EFL1: variants seen among roughly 807,000 people sequenced by gnomAD.
EFL1 encodes the protein elongation factor-like GTPase 1.
In EFL1, 76 loss-of-function variants were observed where a neutral mutation model predicts 126.7. That is an observed-to-expected ratio of 0.60 (90% CI 0.50 to 0.73). The LOEUF (loss-of-function observed/expected upper bound fraction) is 0.73, where lower values mean the gene tolerates loss of function less well. Ranked by LOEUF, EFL1 falls within the 30% of genes least tolerant of loss-of-function variation. The pLI, the probability that EFL1 is intolerant of heterozygous loss-of-function variation, is 0.00. For synonymous variants in EFL1, 410 were observed against 448.4 expected (o/e 0.91, Z 1.08); for missense variants, 1,128 against 1,343.2 (o/e 0.84, Z 2.50).
chr15:82,262,642 C>G lies in EFL1; in HGVS notation c.-48G>C. The G allele has an allele frequency of 4.2e-6, 2 of 477,762 alleles. No individual in the cohort carries two copies. The highest frequency in any genetic ancestry group is 8.9e-5 in the East Asian group (2 of 22,424). 29.6% of individuals were successfully genotyped at this position (477,762 alleles called of 1,614,324 possible). The stretch of plus-strand genomic sequence containing the variant: ...CTGCAGCAGCCCCACCAGCCCCGCT[C>G]CTTCTCTCGGGTCGCACCCACACCG... On this transcript the variant is annotated 5_prime_UTR_variant, in exon 1 of 20. Transcript: ENST00000268206.
At chr15:82,224,597 AG>A (rs1372506241) in intron 12 of EFL1, among the ~76,000 whole-genome samples, 1 of 152,204 alleles carries the variant, frequency 6.6e-6, no homozygotes, top group Non-Finnish European at 1.5e-5. Flanking sequence ...AGAACCAGCT[AG>A]GAGGTTGCTG....
chr15:82,221,518 T>C (rs1567069060), intron 12 of EFL1, among the ~76,000 whole-genome samples: 1 of 152,216 alleles, frequency 6.6e-6, no homozygotes, highest in African/African-American at 2.4e-5. Flanking sequence ...TGGACAAGAC[T>C]TCTCTAGTCC....
At chr15:82,184,605 G>A (rs1595967868) in intron 15 of EFL1, among the ~76,000 whole-genome samples, 2 of 152,192 alleles carry the variant, frequency 1.3e-5, no homozygotes, top group Admixed American at 1.3e-4. Context: ...TAAAAGCATA[G>A]TCTAAAATGA....
intron 19 of EFL1, among the ~76,000 whole-genome samples, chr15:82,134,374 T>C (rs1378202081): frequency 6.6e-6 from 1 of 151,888 alleles, no homozygotes; most frequent in Non-Finnish European, 1.5e-5. Context: ...AAAGGTGCTT[T>C]TTTTTTTTCC....
chr15:82,224,746 C>T (rs1300872981), intron 12 of EFL1, among the ~76,000 whole-genome samples: 1 of 152,198 alleles, frequency 6.6e-6, no homozygotes, highest in Non-Finnish European at 1.5e-5. Flanking sequence ...AGGAATATCC[C>T]TCTCCTACAC....
At chr15:82,185,664 CAATTAAAAAA>C (rs965453761) in intron 15 of EFL1, among the ~76,000 whole-genome samples, 2 of 151,682 alleles carry the variant, frequency 1.3e-5, no homozygotes, top group African/African-American at 2.4e-5. Context: ...AGAATACAGA[CAATTAAAAAA>C]AATACAAGTG....
At chr15:82,149,512 G>T (rs2073885437) in intron 18 of EFL1, among the ~76,000 whole-genome samples, 1 of 152,188 alleles carries the variant, frequency 6.6e-6, no homozygotes, top group South Asian at 2.1e-4. Context: ...AGGTAACAGT[G>T]TAGACACAGA....
At position 82,238,401 on chromosome 15, in the gene EFL1, T is replaced by C. The variant is rs749280041; in HGVS notation, c.637A>G (p.Thr213Ala). 22 of 1,614,078 alleles carry C rather than the reference T, an allele frequency of 1.4e-5. No individual in the cohort carries two copies. Among genetic ancestry groups the C allele is most frequent in the Non-Finnish European group, 1.7e-5 (20 of 1,180,038 alleles). Reference sequence around the variant, plus strand: ...GAATCATCTGTGTCCTCCAAGCCAGTGCTCCAGTCATATACTTGCTCTCCT... The same window carrying C: ...GAATCATCTGTGTCCTCCAAGCCAGCGCTCCAGTCATATACTTGCTCTCCT... The part of the protein sequence containing the change: ...EQGEQVYDWS[T>A]GLEDTDDSHL... Residue 213 changes from threonine to alanine, a missense_variant, in exon 7 of 20, where the codon ACT (threonine) becomes GCT (alanine). Transcript: ENST00000268206.
intron 12 of EFL1, among the ~76,000 whole-genome samples, chr15:82,221,248 C>T (rs940947440): frequency 4.6e-5 from 7 of 152,102 alleles, no homozygotes; most frequent in African/African-American, 1.2e-4. Context: ...GCTTTATTTG[C>T]CAATCTCAGA....
chr15:82,147,946 C>G (rs1214097337), intron 18 of EFL1, among the ~76,000 whole-genome samples: 3 of 152,150 alleles, frequency 2.0e-5, no homozygotes, highest in Non-Finnish European at 4.4e-5. Flanking sequence ...AGTAAAAGAG[C>G]TAAAGACAGT....
chr15:82,198,749 G>C (rs1232395632), intron 15 of EFL1, among the ~76,000 whole-genome samples: 1 of 152,120 alleles, frequency 6.6e-6, no homozygotes, highest in East Asian at 1.9e-4. Context: ...TTCAGGTCTG[G>C]AAATTCCCAC....
chr15:82,164,714 G>A (rs13380011), intron 15 of EFL1, among the ~76,000 whole-genome samples: 10,264 of 151,884 alleles, frequency 0.068, 514 homozygotes, highest in African/African-American at 0.13. Flanking sequence ...TGGCTAACAC[G>A]GTGAAACCCC....
chr15:82,138,348 G>T (rs1339858488), intron 19 of EFL1, among the ~76,000 whole-genome samples: 2 of 150,862 alleles, frequency 1.3e-5, no homozygotes, highest in Non-Finnish European at 2.9e-5. Flanking sequence ...TATATATTTG[G>T]ATGAAAAAAG....
At chr15:82,260,736 G>A (rs2075105400) in intron 2 of EFL1, among the ~76,000 whole-genome samples, 1 of 152,208 alleles carries the variant, frequency 6.6e-6, no homozygotes, top group Non-Finnish European at 1.5e-5. Context: ...AACTTAGGTT[G>A]TCTAACTCCA....
intron 16 of EFL1, 125 bp downstream of exon 16, chr15:82,163,728 C>T (rs1427613136): frequency 5.8e-6 from 7 of 1,199,796 alleles, no homozygotes; most frequent in South Asian, 1.7e-5. Context: ...GTTGCTTCTA[C>T]TATAGACCTC....
At chr15:82,186,377 G>C (rs1160483230) in intron 15 of EFL1, among the ~76,000 whole-genome samples, 1 of 152,112 alleles carries the variant, frequency 6.6e-6, no homozygotes, top group Non-Finnish European at 1.5e-5. Flanking sequence ...GTACTATATT[G>C]TCTGGCTCTT....
At chr15:82,146,329 AAAC>A (rs1363055105) in intron 18 of EFL1, among the ~76,000 whole-genome samples, 1 of 152,228 alleles carries the variant, frequency 6.6e-6, no homozygotes. Flanking sequence ...TGGAGAATCA[AAAC>A]AACAGTCAGC....
chr15:82,131,407 T>C (rs1433002739), intron 19 of EFL1, among the ~76,000 whole-genome samples: 2 of 152,178 alleles, frequency 1.3e-5, no homozygotes, highest in Non-Finnish European at 2.9e-5. Flanking sequence ...TCCTCCTCCC[T>C]TGACCTCCCA....
intron 19 of EFL1, among the ~76,000 whole-genome samples, chr15:82,132,186 T>C (rs1448870088): frequency 6.6e-6 from 1 of 152,184 alleles, no homozygotes; most frequent in African/African-American, 2.4e-5. Context: ...TTCTTGCTCT[T>C]GAACAAAGGT....
Sources: allele counts gnomAD v4.1 joint callset (sites outside exome capture counted in the v4.1 genomes callset), GRCh38; gene constraint gnomAD v4.1.1; transcripts MANE v1.5; gene names NCBI Gene and HGNC (gene_info 2026-07-23, HGNC 2026-07-21).